Variants in MARVELD3 observed in about 807,000 individuals in gnomAD.
MARVELD3 encodes MARVEL domain containing 3, also known as MARVEL domain-containing protein 3.
MARVELD3 carries 28 observed loss-of-function variants against 33.5 expected under a neutral mutation model. The ratio of observed to expected loss-of-function variants is 0.84; its 90% confidence interval spans 0.62 to 1.15. The LOEUF is 1.15. Among genes scored for constraint, MARVELD3 ranks in the 50% most tolerant of loss-of-function variants. The probability of loss-of-function intolerance (pLI) is 0.00; values close to 1 mark genes in which losing one functional copy is unlikely to be tolerated. For missense variants in MARVELD3, 582 were observed against 547.6 expected (o/e 1.06, Z -0.63); for synonymous variants, 241 against 230.4 (o/e 1.05, Z -0.42).
Position 71,636,002 on chromosome 16 carries a change from A to C in MARVELD3, c.*1199A>C. ...GGATTCATCCAGAATAAAAGGATGT[A>C]AAATCTTTCCCAACAGAAGAGTGTT... On this transcript the variant is annotated 3_prime_UTR_variant, in exon 3 of 3. Transcript: ENST00000268485. 1 of 985,474 alleles carries C rather than the reference A, an allele frequency of 1.0e-6. No individual in the cohort carries two copies. 61.0% of individuals were successfully genotyped at this position (985,474 alleles called of 1,614,324 possible). A position where few individuals can be genotyped will look rare whatever the true frequency, so the allele number is the denominator to read the frequency against.
At chr16:71,639,910 G>T (rs1311239509), downstream of MARVELD3, among the ~76,000 whole-genome samples, 1 of 152,190 alleles carries the variant, frequency 6.6e-6, no homozygotes, top group Non-Finnish European at 1.5e-5. Context: ...TTTGTTTTCA[G>T]AGTGGTAATT....
chr16:71,637,804 A>AT (rs552787347), downstream of MARVELD3: 6 of 152,266 alleles, frequency 3.9e-5, no homozygotes, highest in Admixed American at 3.9e-4. Flanking sequence ...ATCCCCTTCC[A>AT]TTTTGGAAAC....
chr16:71,640,435 T>A, downstream of MARVELD3: 2 of 1,614,158 alleles, frequency 1.2e-6, no homozygotes, highest in Non-Finnish European at 1.7e-6. Context: ...ATGGTTCTCA[T>A]ATGCATCGTG....
chr16:71,638,320 A>C (rs1434079573), downstream of MARVELD3: 1 of 152,296 alleles, frequency 6.6e-6, no homozygotes, highest in Admixed American at 6.5e-5. Flanking sequence ...ATCCATCCAT[A>C]CAATGAAGTC....
In MARVELD3 at chr16:71,630,632, A is replaced by G. The variant is rs1315626898; in HGVS notation, c.595+1138A>G. ...AGAGCGAAACTACGTCTTAAAAAAA[A>G]AAACAAAAATAATAAAATATATGTA... On this transcript the variant is annotated intron_variant, in intron 2 of 2. Transcript: ENST00000268485. Among the ~76,000 whole-genome samples, 3 of 151,158 alleles carry G rather than the reference A, an allele frequency of 2.0e-5. No homozygotes were observed. The South Asian group carries it at 6.2e-4, about 31-fold the overall frequency.
Position 71,634,820 on chromosome 16 carries a change from C to A in MARVELD3, c.*17C>A. ...GAATTTTAAGGGTTTCTAAAACGCT[C>A]TGACAGATGCAAGTGGTGGTGGAAG... On this transcript the variant is annotated 3_prime_UTR_variant, in exon 3 of 3. Coordinates refer to ENST00000268485, the MANE Select transcript of MARVELD3 (RefSeq NM_052858.6). The A allele has an allele frequency of 6.4e-7, 1 of 1,562,474 alleles. No individual in the cohort carries two copies. The highest frequency in any genetic ancestry group is 1.2e-5 in the South Asian group (1 of 82,714).
At chr16:71,631,777 G>A (rs890642270) in intron 2 of MARVELD3, among the ~76,000 whole-genome samples, 12 of 152,142 alleles carry the variant, frequency 7.9e-5, no homozygotes, top group African/African-American at 1.7e-4. Flanking sequence ...TGGTGACAGA[G>A]TGAGACCCTG....
downstream of MARVELD3, among the ~76,000 whole-genome samples, chr16:71,639,647 A>C (rs1042211219): frequency 6.6e-6 from 1 of 150,446 alleles, no homozygotes; most frequent in Non-Finnish European, 1.5e-5. Context: ...GGGTTTCACC[A>C]TGTTGGTCAG....
intron 2 of MARVELD3, among the ~76,000 whole-genome samples, chr16:71,630,349 G>C (rs1441690585): frequency 6.6e-6 from 1 of 151,816 alleles, no homozygotes; most frequent in Non-Finnish European, 1.5e-5. Context: ...AATAAGGCCA[G>C]GCACGATGGC....
chr16:71,640,321 T>G, downstream of MARVELD3: 3 of 1,518,956 alleles, frequency 2.0e-6, no homozygotes, highest in Non-Finnish European at 2.7e-6. Flanking sequence ...TCAGGTGGCC[T>G]GTGGTATGTC....
rs1172437134 is a variant in MARVELD3, at chr16:71,626,356, A to G, written c.127A>G (p.Arg43Gly). ...GCGGGACCGACCCGGGGACCCGCGC[A>G]GGAAGCGAAGCAGCGACGGGAACCG... is the stretch of plus-strand genomic sequence containing the variant. The part of the protein sequence containing the change: ...RPRDRPGDPR[R>G]KRSSDGNRRR... The change falls in exon 1 of 3, where the codon AGG (arginine) becomes GGG (glycine). Residue 43 changes from arginine to glycine, a missense_variant. Coordinates refer to ENST00000268485, the MANE Select transcript of MARVELD3 (RefSeq NM_052858.6). This position sits in a 1 kb window ranked among gnomAD's most constrained non-coding sequence, Gnocchi z 5.3. The G allele has an allele frequency of 6.5e-7, 1 of 1,548,066 alleles. No individual in the cohort carries two copies. The highest frequency in any genetic ancestry group is 8.7e-7 in the Non-Finnish European group (1 of 1,146,676).
At position 71,635,369 on chromosome 16, in the gene MARVELD3, C is replaced by G; in HGVS notation, c.*566C>G. ...CAAAAAAACTGGACCCCAAGAGCCACAAGGAAAAAGCATGTACTACAACAG... is the reference window on the plus strand; with the variant it reads ...CAAAAAAACTGGACCCCAAGAGCCAGAAGGAAAAAGCATGTACTACAACAG... On this transcript the variant is annotated 3_prime_UTR_variant, in exon 3 of 3. Transcript: ENST00000268485. 5.1e-6 allele frequency: 5 copies of G among 984,624 alleles called. No individual in the cohort carries two copies. Among genetic ancestry groups the G allele is most frequent in the Non-Finnish European group, 6.0e-6 (5 of 830,206 alleles). 61.0% of individuals were successfully genotyped at this position (984,624 alleles called of 1,614,324 possible).
At chr16:71,629,653 A>T in intron 2 of MARVELD3, 159 bp downstream of exon 2, 1 of 657,316 alleles carries the variant, frequency 1.5e-6, no homozygotes, top group South Asian at 3.2e-5. Flanking sequence ...AAAAAAAAAA[A>T]AAAAAAAAAA....
downstream of MARVELD3, chr16:71,640,285 AC>A (rs1163605087): frequency 1.6e-6 from 2 of 1,274,294 alleles, no homozygotes; most frequent in Non-Finnish European, 2.2e-6. Context: ...AAAAAAGTTG[AC>A]ATTGAATCAA....
intron 2 of MARVELD3, among the ~76,000 whole-genome samples, chr16:71,630,214 G>A (rs1361467933): frequency 1.3e-5 from 2 of 151,190 alleles, no homozygotes; most frequent in Non-Finnish European, 2.9e-5. Context: ...TGGTGAGGAG[G>A]AGAATTGCTT....
downstream of MARVELD3, chr16:71,640,437 T>C (rs916437421): frequency 1.2e-6 from 2 of 1,614,182 alleles, no homozygotes; most frequent in Non-Finnish European, 1.7e-6. Flanking sequence ...GGTTCTCATA[T>C]GCATCGTGGC....
chr16:71,639,973 T>C (rs570006354), downstream of MARVELD3, among the ~76,000 whole-genome samples: 19 of 152,156 alleles, frequency 1.2e-4, no homozygotes, highest in Non-Finnish European at 2.2e-4. Flanking sequence ...GCAAATTAAA[T>C]ATACTGATGT....
chr16:71,640,535 T>G (rs756678277), downstream of MARVELD3: 8 of 1,614,064 alleles, frequency 5.0e-6, no homozygotes, highest in African/African-American at 1.1e-4. Flanking sequence ...TCGAGGGCAC[T>G]GAGCTAGAGC....
chr16:71,638,504 T>A (rs945124383), downstream of MARVELD3: 1 of 152,518 alleles, frequency 6.6e-6, no homozygotes, highest in East Asian at 1.9e-4. Context: ...TTTATTTGCA[T>A]AAAGGAACAC....
Sources: gnomAD v4.1 joint callset for allele counts (sites outside exome capture counted in the v4.1 genomes callset) on GRCh38, gnomAD v4.1.1 for gene constraint, Gnocchi (gnomAD v3.1) non-coding constraint, MANE v1.5 for transcripts, NCBI Gene and HGNC (gene_info 2026-07-23, HGNC 2026-07-21) for gene names.